The following CHN2 variants were observed in gnomAD, a reference collection of about 807,000 sequenced individuals.
CHN2 encodes chimerin 2.
Under a neutral mutation model 56.3 loss-of-function variants are expected in CHN2, and 35 were observed. The ratio of observed to expected loss-of-function variants is 0.62; its 90% CI spans 0.47 to 0.82. CHN2 has a LOEUF of 0.82. Ranked by LOEUF, CHN2 falls within the 40% of genes least tolerant of loss-of-function variation. CHN2 has a pLI of 0.00. For synonymous variants in CHN2, 210 were observed against 212.8 expected, an observed-to-expected ratio of 0.99 and a Z score of 0.12; for missense variants, 491 against 580.5, an observed-to-expected ratio of 0.85 and a Z score of 1.58.
At chr7:29,287,873 T>C (rs1457421129) in intron 1 of CHN2, among the ~76,000 whole-genome samples, 1 of 152,214 alleles carries the variant, frequency 6.6e-6, no homozygotes, top group Non-Finnish European at 1.5e-5. Flanking sequence ...CTGGCTAATT[T>C]CCTTCTTCTT....
upstream of CHN2, chr7:29,194,744 A>G (rs963158962): frequency 5.5e-5 from 25 of 452,766 alleles, no homozygotes; most frequent in Non-Finnish European, 8.6e-5. Context: ...GGAAACCACA[A>G]ATAAATAGCG....
chr7:29,272,525 G>A lies in CHN2; in HGVS notation c.49+77535G>A, dbSNP rs73074594. Among the ~76,000 whole-genome samples, 1,242 of 151,434 alleles carry A rather than the reference G, an allele frequency of 8.2e-3. 4 individuals carry two copies. The highest frequency in any genetic ancestry group is 0.016 in the Admixed American group (238 of 15,238). Reference sequence around the variant, plus strand: ...CCTGTGCCCAAGACCAAGAAAATGGGTGAATCTGAAGCCCTATGCTTGTCT... The same window carrying A: ...CCTGTGCCCAAGACCAAGAAAATGGATGAATCTGAAGCCCTATGCTTGTCT... On this transcript the variant is annotated intron_variant, in intron 1 of 12. Coordinates refer to ENST00000222792, the MANE Select transcript of CHN2 (RefSeq NM_004067.4).
chr7:29,237,173 G>T (rs1214135234), intron 1 of CHN2, among the ~76,000 whole-genome samples: 3 of 152,122 alleles, frequency 2.0e-5, no homozygotes, highest in Non-Finnish European at 4.4e-5. Context: ...ACTCCAGGAT[G>T]GCCCTTTTCC....
intron 5 of CHN2, 131 bp downstream of exon 5, chr7:29,398,617 G>A (rs1050820931): frequency 7.9e-6 from 5 of 635,228 alleles, no homozygotes; most frequent in African/African-American, 3.7e-5. Context: ...ATGTTATGAG[G>A]GGGGGGTCCC....
chr7:29,456,649 C>T (rs1378652480), intron 6 of CHN2, among the ~76,000 whole-genome samples: 1 of 132,592 alleles, frequency 7.5e-6, no homozygotes. Flanking sequence ...CCCCTCTTCT[C>T]GCCATTCTGA....
At chr7:29,273,872 T>C (rs1280942621) in intron 1 of CHN2, among the ~76,000 whole-genome samples, 1 of 152,144 alleles carries the variant, frequency 6.6e-6, no homozygotes, top group East Asian at 1.9e-4. Context: ...ACTGTGTGTT[T>C]GAGAGAGAAT....
At chr7:29,168,461 G>A (rs1307856540) in intron 2 of CHN2, among the ~76,000 whole-genome samples, 2 of 152,092 alleles carry the variant, frequency 1.3e-5, no homozygotes, top group Non-Finnish European at 2.9e-5. Flanking sequence ...CTATAATTAT[G>A]GACTCATAGT....
chr7:29,251,640 G>A (rs1788530907), intron 1 of CHN2, among the ~76,000 whole-genome samples: 2 of 152,146 alleles, frequency 1.3e-5, no homozygotes, highest in South Asian at 2.1e-4. Context: ...GAATTTCAGA[G>A]AGAATAAGAT....
At chr7:29,460,259 T>C (rs1228194058) in intron 6 of CHN2, among the ~76,000 whole-genome samples, 5 of 147,868 alleles carry the variant, frequency 3.4e-5, no homozygotes, top group African/African-American at 1.2e-4. Flanking sequence ...CGCCCTCAAA[T>C]AGAGCTTGCC....
At chr7:29,500,074 T>G (rs1180966985) in intron 9 of CHN2, 34 bp downstream of exon 9, 2 of 1,414,900 alleles carry the variant, frequency 1.4e-6, no homozygotes, top group East Asian at 5.0e-5. Flanking sequence ...AGTAGTATAG[T>G]GATTTTATTT....
chr7:29,265,112 G>A (rs1348320236), intron 1 of CHN2, among the ~76,000 whole-genome samples: 4 of 152,064 alleles, frequency 2.6e-5, no homozygotes, highest in Admixed American at 6.5e-5. Flanking sequence ...GAATAGGGAC[G>A]GCATCATGGG....
intron 1 of CHN2, among the ~76,000 whole-genome samples, chr7:29,217,490 C>T (rs1289066145): frequency 6.6e-6 from 1 of 152,208 alleles, no homozygotes; most frequent in Admixed American, 6.5e-5. Context: ...AATACAAGCA[C>T]TTGGCACTTT....
chr7:29,250,500 G>A (rs955512249), intron 1 of CHN2, among the ~76,000 whole-genome samples: 14 of 152,128 alleles, frequency 9.2e-5, no homozygotes, highest in Non-Finnish European at 1.5e-5. Context: ...GTCTGATGTA[G>A]GAAGGTACAG....
In CHN2 at chr7:29,482,821, T is replaced by C. The variant is rs1189847578; in HGVS notation, c.654+2465T>C. Reference sequence around the variant, plus strand: ...TCTTTTTTTTTTTTTTTTTTTTTTTTTTTTTTTTTTTTTTTTTTGAGACGG... The same window carrying C: ...TCTTTTTTTTTTTTTTTTTTTTTTTCTTTTTTTTTTTTTTTTTTGAGACGG... On this transcript the variant is annotated intron_variant, in intron 7 of 12. Transcript: ENST00000222792. 6.5e-4 allele frequency among the ~76,000 whole-genome samples: 53 copies of C among 81,170 alleles called. 2 individuals are homozygous for C. The highest frequency in any genetic ancestry group is 1.2e-3 in the Admixed American group (9 of 7,236). The allele number at this position is 81,170 out of a possible 152,430, so 53.3% of individuals were successfully genotyped here.
intron 2 of CHN2, among the ~76,000 whole-genome samples, chr7:29,354,964 A>ATTTATTTATTTT (rs1798177823): frequency 6.7e-6 from 1 of 149,410 alleles, no homozygotes; most frequent in Non-Finnish European, 1.5e-5. Context: ...TTATTTATTT[A>ATTTATTTATTTT]TTTATTTATT....
rs907985922 is a variant in CHN2 at position 29,444,177 on chromosome 7, G to A, written c.577-36102G>A. Among the ~76,000 whole-genome samples the A allele has an allele frequency of 7.9e-5, 12 of 152,272 alleles. No homozygotes were observed. The East Asian group carries it at 2.3e-3, about 29-fold the overall frequency. On this transcript the variant is annotated intron_variant, in intron 6 of 12. Coordinates refer to ENST00000222792, the MANE Select transcript of CHN2 (RefSeq NM_004067.4). ...AAATGGATTAACAGTGTAAATATTG[G>A]AAGTCTATATATGCATACCTTTTTT...
chr7:29,342,621 A>C (rs1797125927), intron 1 of CHN2, among the ~76,000 whole-genome samples: 1 of 152,072 alleles, frequency 6.6e-6, no homozygotes, highest in Non-Finnish European at 1.5e-5. Flanking sequence ...AAATGGAAAG[A>C]GTGGAGAGCT....
rs74722815 is a variant in CHN2 at position 29,409,970 on chromosome 7, G to C, written c.576+9142G>C. 2.9e-3 allele frequency among the ~76,000 whole-genome samples: 441 copies of C among 152,332 alleles called. 11 individuals carry two copies. In the East Asian group the frequency reaches 0.053, roughly 18 times the overall value. On this transcript the variant is annotated intron_variant, in intron 6 of 12. Coordinates refer to ENST00000222792, the MANE Select transcript of CHN2 (RefSeq NM_004067.4). ...CACCTATGGGGACTGGGCAGGCTAT[G>C]ATGAGGAGGCATTCTTCTGGACCTG...
intron 2 of CHN2, among the ~76,000 whole-genome samples, chr7:29,170,143 A>G (rs1796416132): frequency 6.6e-6 from 1 of 152,070 alleles, no homozygotes; most frequent in South Asian, 2.1e-4. Flanking sequence ...CAGGAATCCT[A>G]TGGGGTGGAG....
Sources: allele counts gnomAD v4.1 joint callset (sites outside exome capture counted in the v4.1 genomes callset), GRCh38; gene constraint gnomAD v4.1.1; transcripts MANE v1.5; gene names NCBI Gene and HGNC (gene_info 2026-07-23, HGNC 2026-07-21).